The following NLRP14 variants were observed in gnomAD, a reference collection of about 807,000 sequenced individuals.
The protein encoded by NLRP14 is NLR family pyrin domain containing 14, also known as NACHT, LRR and PYD domains-containing protein 14.
A neutral mutation model predicts 94.7 loss-of-function variants in NLRP14; 105 were observed. That is an observed-to-expected ratio of 1.11 (90% CI 0.95 to 1.30). The LOEUF is 1.30. Ranked by LOEUF, NLRP14 falls within the 50% of genes most tolerant of loss-of-function variation. The pLI, the probability that NLRP14 is intolerant of heterozygous loss-of-function variation, is 0.00. For missense variants in NLRP14, 1,362 were observed against 1,254.1 expected, an observed-to-expected ratio of 1.09 and a Z score of -1.30; for synonymous variants, 508 against 459.9, an observed-to-expected ratio of 1.10 and a Z score of -1.34.
At chr11:7,066,685 C>T (rs1280469867) in intron 10 of NLRP14, among the ~76,000 whole-genome samples, 3 of 152,106 alleles carry the variant, frequency 2.0e-5, no homozygotes, top group African/African-American at 7.2e-5. Flanking sequence ...TACAGAAGCT[C>T]TTTAGTTTAA....
intron 5 of NLRP14, 87 bp downstream of exon 5, chr11:7,046,919 A>T: frequency 1.0e-6 from 1 of 961,936 alleles, no homozygotes. Flanking sequence ...GGGGAAGCCA[A>T]TGCTAAACAA....
intron 1 of NLRP14, among the ~76,000 whole-genome samples, chr11:7,021,365 C>T (rs1851931762): frequency 6.6e-6 from 1 of 152,130 alleles, no homozygotes; most frequent in Admixed American, 6.5e-5. Flanking sequence ...GGTGGGTGGC[C>T]CAGCGCCTAT....
At chr11:7,027,266 A>G (rs1852029592) in intron 1 of NLRP14, among the ~76,000 whole-genome samples, 1 of 151,794 alleles carries the variant, frequency 6.6e-6, no homozygotes, top group South Asian at 2.1e-4. Flanking sequence ...GGCTCTTATA[A>G]CAAAATACCA....
In NLRP14 at chr11:7,043,959, A is replaced by G. The variant is rs769386085; in HGVS notation, c.1933A>G (p.Lys645Glu). 1.2e-6 allele frequency: 2 copies of G among 1,614,178 alleles called. No homozygotes were observed. The highest frequency in any genetic ancestry group is 1.7e-6 in the Non-Finnish European group (2 of 1,180,018). Residue 645 changes from lysine to glutamate, a missense_variant, in exon 4 of 12, where the codon AAA becomes GAA. Transcript: ENST00000299481. ...TGTGGTATTTGAGAAGAAGATATTAAAAACAAGCCTCCCAACTAACACTTG... is the reference window on the plus strand; with the variant it reads ...TGTGGTATTTGAGAAGAAGATATTAGAAACAAGCCTCCCAACTAACACTTG... The part of the protein sequence containing the change: ...VTVVFEKKIL[K>E]TSLPTNTWDG...
the NLRP14 span, chr11:7,089,431 G>A: frequency 1.5e-5 from 24 of 1,549,620 alleles, no homozygotes; most frequent in East Asian, 5.9e-4. Flanking sequence ...AGCCGCGGTC[G>A]CCCGAGGTTC....
At position 7,020,584 on chromosome 11, in the gene NLRP14, G is replaced by C. The variant is rs1851905711; in HGVS notation, c.-208G>C. On this transcript the variant is annotated 5_prime_UTR_variant, in exon 1 of 12. Transcript: ENST00000299481. ...GAAGCTTTTAGGGCCCTGGGAAAGG[G>C]GGCGTGGCTGGAAACGGAGCTACTG... is the stretch of plus-strand genomic sequence containing the variant. 1 of 152,322 alleles carries C rather than the reference G, an allele frequency of 6.6e-6. No individual in the cohort carries two copies. Among genetic ancestry groups the C allele is most frequent in the Admixed American group, 6.5e-5 (1 of 15,292 alleles). 9.4% of individuals were successfully genotyped at this position (152,322 alleles called of 1,614,324 possible). A position where few individuals can be genotyped will look rare whatever the true frequency, so the allele number is the denominator to read the frequency against.
chr11:7,042,560 C>T lies in NLRP14; in HGVS notation c.534C>T (p.Ile178=), dbSNP rs138061199. Reference sequence around the variant, plus strand: ...TCAAAACCGGTGCACAGCCACAGATCGTGGTGCTTCAGGGAGCTGCTGGAG... The same window carrying T: ...TCAAAACCGGTGCACAGCCACAGATTGTGGTGCTTCAGGGAGCTGCTGGAG... ...VDVKTGAQPQ[I]VVLQGAAGVG... Residue 178 remains isoleucine (I), a synonymous_variant, in exon 4 of 12, where the codon ATC becomes ATT. Coordinates refer to ENST00000299481, the MANE Select transcript of NLRP14 (RefSeq NM_176822.4). 16 of 1,614,066 alleles carry T rather than the reference C, an allele frequency of 9.9e-6. No homozygotes were observed. The highest frequency in any genetic ancestry group is 1.3e-5 in the African/African-American group (1 of 74,934).
At chr11:7,074,977 T>C (rs949582985), downstream of NLRP14, among the ~76,000 whole-genome samples, 4 of 152,218 alleles carry the variant, frequency 2.6e-5, no homozygotes, top group African/African-American at 9.6e-5. Context: ...AATCTTTGTC[T>C]TTTTGGTGCA....
chr11:7,043,437 G>A lies in NLRP14; in HGVS notation c.1411G>A (p.Glu471Lys), dbSNP rs1408564031. The A allele has an allele frequency of 6.2e-7, 1 of 1,614,046 alleles. No individual in the cohort carries two copies. The highest frequency in any genetic ancestry group is 1.3e-5 in the African/African-American group (1 of 74,920). ...MDSNIIQKDA[E>K]YENCYVFTHL... ...CAGCAATATTATTCAGAAGGACGCA[G>A]AGTATGAAAACTGCTATGTGTTCAC... Residue 471 changes from glutamate (E) to lysine (K), a missense_variant, in exon 4 of 12, where the codon GAG becomes AAG. Physicochemically the swap from Glu to Lys is moderately conservative, Grantham distance 56. Transcript: ENST00000299481.
chr11:7,057,556 G>A, intron 6 of NLRP14, 121 bp from the exon 7 acceptor site: 1 of 909,890 alleles, frequency 1.1e-6, no homozygotes, highest in Non-Finnish European at 1.8e-6. Flanking sequence ...GTGTAGAGAA[G>A]TTGGATTTTT....
At chr11:7,090,287 G>A in the NLRP14 span, 1 of 1,599,298 alleles carries the variant, frequency 6.3e-7, no homozygotes, top group Non-Finnish European at 8.5e-7. Context: ...GAGGAGGCCG[G>A]AGCAGATACT....
At position 7,046,670 on chromosome 11, in the gene NLRP14, A is replaced by G; in HGVS notation, c.1961A>G (p.Asp654Gly). 1 of 1,612,838 alleles carries G rather than the reference A, an allele frequency of 6.2e-7. No individual in the cohort carries two copies. Among genetic ancestry groups the G allele is most frequent in the Non-Finnish European group, 8.5e-7 (1 of 1,178,846 alleles). ...TTTTCTCAATTATTTATGCAAAGGG[A>G]TGGTGATCGCATTACTCACTGTTGG... ...LKTSLPTNTW[D>G]GDRITHCWQD... The change falls in exon 5 of 12, where the codon GAT becomes GGT. Residue 654 changes from aspartate to glycine, a missense_variant and splice_region_variant. Transcript: ENST00000299481.
At chr11:7,061,314 A>C (rs1214028583) in intron 9 of NLRP14, among the ~76,000 whole-genome samples, 2 of 152,086 alleles carry the variant, frequency 1.3e-5, no homozygotes, top group Non-Finnish European at 2.9e-5. Context: ...TGGAAGACAA[A>C]GTTTTACTTA....
In NLRP14 at chr11:7,051,183, C is replaced by T. The variant is rs142373442; in HGVS notation, c.2291+1345C>T. On this transcript the variant is annotated intron_variant, in intron 6 of 11. Transcript: ENST00000299481. ...GCTCCTTGCAACAGTAAATACAATGCTTTGGCAAAAGTCATCAGAGCTTTG... is the reference window on the plus strand; with the variant it reads ...GCTCCTTGCAACAGTAAATACAATGTTTTGGCAAAAGTCATCAGAGCTTTG... Among the ~76,000 whole-genome samples, 914 of 152,314 alleles carry T rather than the reference C, an allele frequency of 6.0e-3. 6 individuals are homozygous for T. Among genetic ancestry groups the T allele is most frequent in the African/African-American group, 0.021 (886 of 41,574 alleles).
At chr11:7,059,406 G>A (rs956020095) in intron 8 of NLRP14, among the ~76,000 whole-genome samples, 3 of 151,328 alleles carry the variant, frequency 2.0e-5, no homozygotes, top group Admixed American at 6.6e-5. Flanking sequence ...TAATTTTAAC[G>A]TTTACATGTT....
Position 7,065,485 on chromosome 11 carries a change from G to A in NLRP14, c.2975+2982G>A, listed in dbSNP as rs1355478408. 3.3e-5 allele frequency among the ~76,000 whole-genome samples: 5 copies of A among 152,024 alleles called. No homozygotes were observed. The East Asian group carries it at 9.7e-4, about 29-fold the overall frequency. ...TTTTAGGTATACAATCACATCATTT[G>A]GGAATAATACAATGTAGTTGTTTTT... On this transcript the variant is annotated intron_variant, in intron 10 of 11. Coordinates refer to ENST00000299481, the MANE Select transcript of NLRP14 (RefSeq NM_176822.4).
downstream of NLRP14, among the ~76,000 whole-genome samples, chr11:7,075,144 G>A (rs982080622): frequency 1.3e-5 from 2 of 152,144 alleles, no homozygotes; most frequent in Non-Finnish European, 2.9e-5. Context: ...TGACATGAAT[G>A]GGAACTCAGC....
chr11:7,054,174 G>C (rs1360388118), intron 6 of NLRP14, among the ~76,000 whole-genome samples: 1 of 152,098 alleles, frequency 6.6e-6, no homozygotes, highest in African/African-American at 2.4e-5. Flanking sequence ...TCCAGTGTGT[G>C]TATGTACCAC....
chr11:7,062,534 A>T lies in NLRP14; in HGVS notation c.2975+31A>T, dbSNP rs750600493. The stretch of plus-strand genomic sequence containing the variant: ...TTCATAGTTTTCCATTAGGAAAATG[A>T]TGCCTATTTGGTAGCTAGTATAGCT... On this transcript the variant is annotated intron_variant, in intron 10 of 11. Coordinates refer to ENST00000299481, the MANE Select transcript of NLRP14 (RefSeq NM_176822.4). The T allele has an allele frequency of 1.9e-6, 3 of 1,593,264 alleles. No homozygotes were observed. The South Asian group carries it at 3.3e-5, about 18-fold the overall frequency.
Sources: gnomAD v4.1 joint callset for allele counts (sites outside exome capture counted in the v4.1 genomes callset) on GRCh38, gnomAD v4.1.1 for gene constraint, MANE v1.5 for transcripts, NCBI Gene and HGNC (gene_info 2026-07-23, HGNC 2026-07-21) for gene names.